The following MIGA1 variants were observed in gnomAD, a reference collection of about 807,000 sequenced individuals.
MIGA1 encodes the protein family with sequence similarity 73, member A.
A neutral mutation model predicts 82.0 loss-of-function variants in MIGA1; 58 were observed. The ratio of observed to expected loss-of-function variants is 0.71; its 90% CI spans 0.57 to 0.88. The LOEUF is 0.88. Among genes scored for constraint, MIGA1 ranks in the 40% least tolerant of loss-of-function variants. The pLI, the probability that MIGA1 is intolerant of heterozygous loss-of-function variation, is 0.00. For synonymous variants in MIGA1, 249 were observed against 253.6 expected, an observed-to-expected ratio of 0.98 and a Z score of 0.17; for missense variants, 751 against 749.1, an observed-to-expected ratio of 1.00 and a Z score of -0.03.
chr1:77,791,178 G>T (rs571992257), intron 2 of MIGA1, among the ~76,000 whole-genome samples: 2 of 149,348 alleles, frequency 1.3e-5, no homozygotes, highest in Admixed American at 6.7e-5. Context: ...AGAATTTCAA[G>T]GATGTATTAA....
rs571396588 is a variant in MIGA1, at chr1:77,819,089, A to G, written c.895+3858A>G. 1.8e-4 allele frequency among the ~76,000 whole-genome samples: 27 copies of G among 151,888 alleles called. No individual in the cohort carries two copies. The South Asian group carries it at 5.6e-3, about 32-fold the overall frequency. On this transcript the variant is annotated intron_variant, in intron 7 of 15. Transcript: ENST00000370791. ...GAGCAAAACTCTGTCCCAAAAAAAA[A>G]AAAAAAAAGAAAAAGAAAATCATCT...
intron 14 of MIGA1, among the ~76,000 whole-genome samples, chr1:77,869,178 A>G (rs1456935790): frequency 1.4e-5 from 2 of 145,454 alleles, no homozygotes; most frequent in Non-Finnish European, 3.0e-5. Flanking sequence ...CATCTGTTTA[A>G]CAAAGCACAT....
intron 8 of MIGA1, among the ~76,000 whole-genome samples, chr1:77,858,233 A>G (rs1323760662): frequency 6.6e-6 from 1 of 151,794 alleles, no homozygotes; most frequent in African/African-American, 2.4e-5. Flanking sequence ...TGTAATCCCA[A>G]CTACTCTGGA....
rs1172551510 is a variant in MIGA1 at position 77,876,762 on chromosome 1, G to A, written c.*1698G>A. ...AACAAAAATATTTTTTAATGATGTG[G>A]AAGTATATATTTCATGTTCATTATG... On this transcript the variant is annotated 3_prime_UTR_variant, in exon 16 of 16. Coordinates refer to ENST00000370791, the MANE Select transcript of MIGA1 (RefSeq NM_198549.4). 2.0e-5 allele frequency: 3 copies of A among 152,158 alleles called. No individual in the cohort carries two copies. Among genetic ancestry groups the A allele is most frequent in the African/African-American group, 7.2e-5 (3 of 41,436 alleles). The allele number at this position is 152,158 out of a possible 1,614,324, so 9.4% of individuals were successfully genotyped here.
At chr1:77,784,386 C>T (rs1014618248) in intron 2 of MIGA1, among the ~76,000 whole-genome samples, 3 of 151,988 alleles carry the variant, frequency 2.0e-5, no homozygotes, top group Admixed American at 1.3e-4. Flanking sequence ...CACCATCTCT[C>T]CACCAGTTTT....
chr1:77,847,368 G>A, intron 8 of MIGA1: 1 of 1,044,746 alleles, frequency 9.6e-7, no homozygotes, highest in Admixed American at 1.7e-5. Flanking sequence ...AAAAAAGGAG[G>A]AAAACAATAC....
chr1:77,858,766 ATG>A (rs1685357880), intron 8 of MIGA1, among the ~76,000 whole-genome samples, 170 bp from the exon 9 acceptor site: 1 of 152,112 alleles, frequency 6.6e-6, no homozygotes, highest in Non-Finnish European at 1.5e-5. Flanking sequence ...CCACAGGTGC[ATG>A]CCTCCACACC....
Position 77,848,039 on chromosome 1 carries a change from C to A in MIGA1, c.996+4632C>A. 4 of 1,286,614 alleles carry A rather than the reference C, an allele frequency of 3.1e-6. No homozygotes were observed. The South Asian group carries it at 4.8e-5, about 15-fold the overall frequency. 79.7% of individuals were successfully genotyped at this position (1,286,614 alleles called of 1,614,324 possible). ...AAGAAAGAGGGCACAGTGCCAGACA[C>A]CACACGAAAGGATCACGAACATCGA... is the stretch of plus-strand genomic sequence containing the variant. On this transcript the variant is annotated intron_variant, in intron 8 of 15. Coordinates refer to ENST00000370791, the MANE Select transcript of MIGA1 (RefSeq NM_198549.4).
intron 4 of MIGA1, 39 bp downstream of exon 4, chr1:77,803,445 T>TA: frequency 9.6e-7 from 1 of 1,041,000 alleles, no homozygotes; most frequent in South Asian, 2.4e-5. Context: ...AAATTTTTGT[T>TA]TATATGTCTT....
intron 7 of MIGA1, among the ~76,000 whole-genome samples, chr1:77,835,903 G>A (rs910173878): frequency 6.6e-6 from 1 of 151,754 alleles, no homozygotes; most frequent in African/African-American, 2.4e-5. Flanking sequence ...AACCAAGATC[G>A]CTCCACTGCA....
intron 8 of MIGA1, among the ~76,000 whole-genome samples, chr1:77,850,619 G>A (rs2101909113): frequency 6.6e-6 from 1 of 152,218 alleles, no homozygotes; most frequent in Non-Finnish European, 1.5e-5. Context: ...AGAGGACCTG[G>A]TCTGGATTAA....
chr1:77,798,090 A>G (rs1011061821), intron 2 of MIGA1, among the ~76,000 whole-genome samples: 6 of 152,210 alleles, frequency 3.9e-5, no homozygotes, highest in African/African-American at 1.4e-4. Context: ...ACCCTTTATC[A>G]GATGGAGGAA....
At chr1:77,822,300 C>T (rs956969373) in intron 7 of MIGA1, among the ~76,000 whole-genome samples, 10 of 152,138 alleles carry the variant, frequency 6.6e-5, no homozygotes, top group Non-Finnish European at 1.2e-4. Context: ...GTAACTCACA[C>T]CTGTAGCCCT....
At chr1:77,849,395 T>TA (rs981462025) in intron 8 of MIGA1, among the ~76,000 whole-genome samples, 1 of 151,900 alleles carries the variant, frequency 6.6e-6, no homozygotes, top group Admixed American at 6.6e-5. Context: ...ACCCTGTCTC[T>TA]AAAAAAAACC....
At chr1:77,803,727 T>C (rs966603749) in intron 4 of MIGA1, among the ~76,000 whole-genome samples, 20 of 151,896 alleles carry the variant, frequency 1.3e-4, no homozygotes, top group Non-Finnish European at 2.9e-5. Context: ...CTTATGGAGA[T>C]AGAGAGTAGA....
At position 77,875,095 on chromosome 1, in the gene MIGA1, C is replaced by G. The variant is rs1646884193; in HGVS notation, c.*31C>G. 6.6e-7 allele frequency: 1 copy of G among 1,507,714 alleles called. No individual in the cohort carries two copies. Among genetic ancestry groups the G allele is most frequent in the Middle Eastern group, 1.7e-4 (1 of 5,790 alleles). The allele number at this position is 1,507,714 out of a possible 1,614,324, so 93.4% of individuals were successfully genotyped here. A position where few individuals can be genotyped will look rare whatever the true frequency, so the allele number is the denominator to read the frequency against. On this transcript the variant is annotated 3_prime_UTR_variant, in exon 16 of 16. Transcript: ENST00000370791. ...ATAAGAATCATACAATTTGAGTGTGCTATGAAATATTTTAAGGTAACTATT... is the reference window on the plus strand; with the variant it reads ...ATAAGAATCATACAATTTGAGTGTGGTATGAAATATTTTAAGGTAACTATT...
chr1:77,787,870 T>C (rs1682240263), intron 2 of MIGA1, among the ~76,000 whole-genome samples: 1 of 150,748 alleles, frequency 6.6e-6, no homozygotes, highest in Admixed American at 6.6e-5. Context: ...AGCTGGAGTG[T>C]AGTGGTGCAG....
chr1:77,862,073 G>A (rs1296577510), intron 12 of MIGA1: 1 of 149,844 alleles, frequency 6.7e-6, no homozygotes, highest in Admixed American at 6.6e-5. Flanking sequence ...CCTGGGAGGT[G>A]GAGGCGGCAG....
At chr1:77,791,708 C>T (rs567104348) in intron 2 of MIGA1, among the ~76,000 whole-genome samples, 5 of 151,648 alleles carry the variant, frequency 3.3e-5, no homozygotes, top group Admixed American at 6.6e-5. Context: ...GGATTACAGG[C>T]GCACACCACC....
Sources: gnomAD v4.1 joint callset for allele counts (sites outside exome capture counted in the v4.1 genomes callset) on GRCh38, gnomAD v4.1.1 for gene constraint, MANE v1.5 for transcripts, NCBI Gene and HGNC (gene_info 2026-07-23, HGNC 2026-07-21) for gene names.